Variants in ATP13A4 observed in about 807,000 individuals in gnomAD.
The protein encoded by ATP13A4 is probable cation-transporting ATPase 13A4.
A neutral mutation model predicts 142.5 loss-of-function variants in ATP13A4; 114 were observed. The observed-to-expected ratio is 0.80, with a 90% CI of 0.69 to 0.93. ATP13A4 has a LOEUF of 0.93. ATP13A4 is among the 40% of genes least tolerant of loss of function. The pLI is 0.00. For missense variants in ATP13A4, 1,392 were observed against 1,454.0 expected, an observed-to-expected ratio of 0.96 and a Z score of 0.69; for synonymous variants, 488 against 514.8, an observed-to-expected ratio of 0.95 and a Z score of 0.70.
At chr3:193,453,682 A>G (rs1257994810) in intron 17 of ATP13A4, among the ~76,000 whole-genome samples, 1 of 152,124 alleles carries the variant, frequency 6.6e-6, no homozygotes, top group Non-Finnish European at 1.5e-5. Context: ...TGTATTTCCA[A>G]TCAAAAATTT....
At chr3:193,459,012 C>T (rs771285983) in intron 14 of ATP13A4, 69 bp downstream of exon 14, 85 of 1,590,322 alleles carry the variant, frequency 5.3e-5, no homozygotes, top group Non-Finnish European at 7.3e-5. Context: ...AATTAGATAG[C>T]TCTGATATTG....
chr3:193,573,293 A>ATATATATATG lies in ATP13A4; in HGVS notation n.291+8413_291+8414insCATATATATA, dbSNP rs1560287302. 1.1e-3 allele frequency among the ~76,000 whole-genome samples: 58 copies of ATATATATATG among 54,128 alleles called. 3 individuals are homozygous for ATATATATATG. Among genetic ancestry groups the ATATATATATG allele is most frequent in the Middle Eastern group, 7.8e-3 (1 of 128 alleles). The allele number at this position is 54,128 out of a possible 152,430, so 35.5% of individuals were successfully genotyped here. On this transcript the variant is annotated intron_variant and non_coding_transcript_variant, in intron 2 of 3. Transcript: ENST00000489140. ...TATATATACATATATATATATACAC[A>ATATATATATG]TATATATATATATACATATATATAT... is the stretch of plus-strand genomic sequence containing the variant.
intron 1 of ATP13A4, among the ~76,000 whole-genome samples, chr3:193,517,544 G>T (rs998351131): frequency 2.0e-5 from 3 of 152,130 alleles, no homozygotes; most frequent in Non-Finnish European, 2.9e-5. Flanking sequence ...ACAGTGGCGC[G>T]ATCTCGGCTC....
At chr3:193,417,936 A>C (rs573992363) in intron 25 of ATP13A4, among the ~76,000 whole-genome samples, 37 of 145,330 alleles carry the variant, frequency 2.5e-4, no homozygotes, top group Admixed American at 1.0e-3. Context: ...TCCCGGCTAA[A>C]ACGGTGAAAC....
chr3:193,535,668 G>T (rs545793794), intron 1 of ATP13A4, among the ~76,000 whole-genome samples: 2 of 151,560 alleles, frequency 1.3e-5, no homozygotes, highest in East Asian at 3.9e-4. Context: ...GCAGAACAAA[G>T]AAAATAATAA....
intron 26 of ATP13A4, 113 bp from the exon 27 acceptor site, chr3:193,412,484 T>C (rs1714819878): frequency 2.3e-6 from 2 of 865,422 alleles, no homozygotes; most frequent in Non-Finnish European, 3.9e-6. Flanking sequence ...TCAATGCTTC[T>C]ACAATTGCCT....
chr3:193,466,967 C>T (rs185385102), intron 10 of ATP13A4, among the ~76,000 whole-genome samples: 1 of 152,024 alleles, frequency 6.6e-6, no homozygotes, highest in East Asian at 1.9e-4. Flanking sequence ...TGAATAAGAT[C>T]TACTATTTGA....
chr3:193,562,902 T>C (rs1482639410), intron 2 of ATP13A4, among the ~76,000 whole-genome samples: 1 of 151,986 alleles, frequency 6.6e-6, no homozygotes, highest in Non-Finnish European at 1.5e-5. Flanking sequence ...TAAAAAATCA[T>C]AGTGGTTGTA....
At chr3:193,492,794 A>G (rs1257180353) in intron 5 of ATP13A4, 123 bp downstream of exon 5, 2 of 763,098 alleles carry the variant, frequency 2.6e-6, no homozygotes, top group African/African-American at 3.5e-5. Flanking sequence ...ATTTAATAAT[A>G]CTAAATAGAG....
chr3:193,553,093 C>T (rs1479128072), intron 1 of ATP13A4: 1 of 152,194 alleles, frequency 6.6e-6, no homozygotes, highest in Non-Finnish European at 1.5e-5. Flanking sequence ...AATTGCTGCA[C>T]CTCTGCTGAG....
intron 18 of ATP13A4, among the ~76,000 whole-genome samples, chr3:193,444,214 C>T (rs991389310): frequency 6.6e-6 from 1 of 152,130 alleles, no homozygotes; most frequent in African/African-American, 2.4e-5. Context: ...GAAAACAATA[C>T]TTCAAATTAT....
chr3:193,539,810 G>A (rs1251162990), intron 1 of ATP13A4, among the ~76,000 whole-genome samples: 2 of 152,124 alleles, frequency 1.3e-5, no homozygotes, highest in African/African-American at 4.8e-5. Context: ...GTAGTAGTTA[G>A]TCAATACATA....
intron 1 of ATP13A4, among the ~76,000 whole-genome samples, chr3:193,550,305 GT>G (rs66816945): frequency 0.13 from 16,540 of 131,844 alleles, 649 homozygotes; most frequent in Non-Finnish European, 0.15. Context: ...TGAATTTTAG[GT>G]TTTTTTTTTT....
intron 7 of ATP13A4, among the ~76,000 whole-genome samples, chr3:193,488,714 C>G (rs1305944507): frequency 6.6e-6 from 1 of 152,144 alleles, no homozygotes; most frequent in Non-Finnish European, 1.5e-5. Context: ...AGAAGTTTTA[C>G]TGTGAATGGA....
chr3:193,529,053 C>T (rs1437916721), intron 1 of ATP13A4, among the ~76,000 whole-genome samples: 7 of 152,072 alleles, frequency 4.6e-5, no homozygotes, highest in South Asian at 2.1e-4. Flanking sequence ...GGGCAGATCA[C>T]GAGGTCAGGA....
At chr3:193,584,863 C>G (rs1189320913) in intron 1 of ATP13A4, among the ~76,000 whole-genome samples, 1 of 152,160 alleles carries the variant, frequency 6.6e-6, no homozygotes, top group African/African-American at 2.4e-5. Flanking sequence ...ATGAACAAAT[C>G]TTCGCTATAC....
At chr3:193,571,275 T>C (rs1048815229) in intron 2 of ATP13A4, among the ~76,000 whole-genome samples, 15 of 55,788 alleles carry the variant, frequency 2.7e-4, no homozygotes, top group Admixed American at 2.0e-3. Flanking sequence ...CAAGACCTTG[T>C]CTCAAAAAAA....
chr3:193,589,042 A>G (rs1377173021), intron 1 of ATP13A4, among the ~76,000 whole-genome samples: 1 of 152,146 alleles, frequency 6.6e-6, no homozygotes, highest in African/African-American at 2.4e-5. Flanking sequence ...CAGGAGACTG[A>G]GGCAGGAGAA....
chr3:193,574,505 G>A (rs575144180), intron 2 of ATP13A4, among the ~76,000 whole-genome samples: 19 of 152,310 alleles, frequency 1.2e-4, no homozygotes, highest in African/African-American at 4.3e-4. Context: ...GATCACTTGA[G>A]GTCAGGAGTT....
Sources: allele counts gnomAD v4.1 joint callset (sites outside exome capture counted in the v4.1 genomes callset), GRCh38; gene constraint gnomAD v4.1.1; transcripts MANE v1.5; gene names NCBI Gene and HGNC (gene_info 2026-07-23, HGNC 2026-07-21).